The following OOSP1 variants were observed in gnomAD, a reference collection of about 807,000 sequenced individuals.
OOSP1 encodes oocyte secreted protein 1.
Under a neutral mutation model 5.7 loss-of-function variants are expected in OOSP1, and 11 were observed. The observed-to-expected ratio is 1.94, with a 90% CI of 1.22 to 3.20. The LOEUF (loss-of-function observed/expected upper bound fraction) is 3.20, where lower values mean the gene tolerates loss of function less well. OOSP1 is among the 30% of genes most tolerant of loss of function. The pLI is 0.00. For synonymous variants in OOSP1, 44 were observed against 20.0 expected (o/e 2.20, Z -3.20); for missense variants, 83 against 54.1 (o/e 1.53, Z -1.67).
chr11:59,941,374 CA>C (rs1853822633), intron 1 of OOSP1, among the ~76,000 whole-genome samples: 1 of 151,616 alleles, frequency 6.6e-6, no homozygotes, highest in Non-Finnish European at 1.5e-5. Context: ...CTATTGTTAG[CA>C]TTTATGTACT....
chr11:59,942,148 C>A (rs995030158), intron 1 of OOSP1, among the ~76,000 whole-genome samples: 3 of 151,928 alleles, frequency 2.0e-5, no homozygotes, highest in Non-Finnish European at 4.4e-5. Flanking sequence ...GAAGAATAGC[C>A]AAACTTACTC....
At chr11:59,953,026 T>G (rs1853956188) in intron 4 of OOSP1, among the ~76,000 whole-genome samples, 1 of 152,196 alleles carries the variant, frequency 6.6e-6, no homozygotes, top group Non-Finnish European at 1.5e-5. Flanking sequence ...TTAGTATGTA[T>G]GCTGTCTTTT....
At chr11:59,952,406 G>GT in intron 4 of OOSP1, among the ~76,000 whole-genome samples, 1 of 143,122 alleles carries the variant, frequency 7.0e-6, no homozygotes, top group African/African-American at 2.4e-5. Flanking sequence ...CAAATGAGTG[G>GT]TAAAAAAAAA....
intron 4 of OOSP1, among the ~76,000 whole-genome samples, chr11:59,949,568 A>G (rs1489382089): frequency 6.6e-6 from 1 of 152,164 alleles, no homozygotes; most frequent in African/African-American, 2.4e-5. Flanking sequence ...CAAGGCCAGC[A>G]TGATTGGAGA....
At chr11:59,941,390 T>C (rs568549042) in intron 1 of OOSP1, among the ~76,000 whole-genome samples, 1 of 152,244 alleles carries the variant, frequency 6.6e-6, no homozygotes, top group African/African-American at 2.4e-5. Context: ...TGTACTTTTT[T>C]TTTTTTTGAG....
chr11:59,938,478 A>G, exon 1 of OOSP1: 1 of 631,528 alleles, frequency 1.6e-6, no homozygotes. Context: ...TGGGGTTCAA[A>G]GGGCTCTTTT....
At chr11:59,954,270 A>G (rs137908742) in intron 4 of OOSP1, among the ~76,000 whole-genome samples, 2 of 152,192 alleles carry the variant, frequency 1.3e-5, no homozygotes, top group Admixed American at 1.3e-4. Context: ...TAGGCTTTGT[A>G]GATCATAAAG....
exon 4 of OOSP1, chr11:59,947,777 C>T (rs1853900726): frequency 2.5e-6 from 1 of 398,886 alleles, no homozygotes; most frequent in Non-Finnish European, 4.4e-6. Context: ...GATGGGGAAA[C>T]TGACAATGTT....
intron 1 of OOSP1, 127 bp from the exon 2 acceptor site, chr11:59,942,720 C>T: frequency 1.8e-6 from 1 of 567,844 alleles, no homozygotes; most frequent in Non-Finnish European, 3.1e-6. Flanking sequence ...CAAACTTGTT[C>T]ACCTCTTAAG....
chr11:59,943,370 CA>C (rs1232047179), intron 2 of OOSP1, among the ~76,000 whole-genome samples: 3 of 151,546 alleles, frequency 2.0e-5, no homozygotes, highest in Non-Finnish European at 4.4e-5. Context: ...AAAAAACCAA[CA>C]AAAAAACCCA....
chr11:59,946,413 C>T (rs561175897), intron 3 of OOSP1, among the ~76,000 whole-genome samples: 2 of 152,316 alleles, frequency 1.3e-5, no homozygotes, highest in Non-Finnish European at 2.9e-5. Context: ...GACCCCATCA[C>T]CTCCCACCAG....
chr11:59,942,266 A>G (rs1565230968), intron 1 of OOSP1, among the ~76,000 whole-genome samples: 1 of 152,224 alleles, frequency 6.6e-6, no homozygotes. Context: ...TTGTATCAGA[A>G]AATTATTTCC....
intron 4 of OOSP1, among the ~76,000 whole-genome samples, 174 bp from the exon 5 acceptor site, chr11:59,957,021 G>A (rs1184588720): frequency 6.6e-6 from 1 of 152,114 alleles, no homozygotes; most frequent in Non-Finnish European, 1.5e-5. Context: ...ACATGAGTGT[G>A]CAAGTATCTT....
At chr11:59,956,714 T>C (rs1024957476) in intron 4 of OOSP1, among the ~76,000 whole-genome samples, 45 of 152,260 alleles carry the variant, frequency 3.0e-4, no homozygotes, top group African/African-American at 1.1e-3. Flanking sequence ...CCTTTCCCAC[T>C]CTTCCCTGAG....
intron 1 of OOSP1, 92 bp from the exon 2 acceptor site, chr11:59,942,755 T>C (rs1461065801): frequency 4.9e-6 from 3 of 609,368 alleles, no homozygotes; most frequent in Non-Finnish European, 8.8e-6. Flanking sequence ...TAAGGGATGA[T>C]CTCTTCATTT....
intron 4 of OOSP1, among the ~76,000 whole-genome samples, chr11:59,953,470 C>G (rs1471401803): frequency 6.6e-6 from 1 of 152,140 alleles, no homozygotes; most frequent in African/African-American, 2.4e-5. Context: ...ATCTTTCAGA[C>G]TTTGACATAT....
chr11:59,948,254 G>A (rs1001384230), intron 4 of OOSP1, among the ~76,000 whole-genome samples: 2 of 152,272 alleles, frequency 1.3e-5, no homozygotes, highest in African/African-American at 2.4e-5. Flanking sequence ...AGTGAACTCA[G>A]AAGTGTCATA....
At chr11:59,941,394 T>G (rs927134857) in intron 1 of OOSP1, among the ~76,000 whole-genome samples, 3 of 152,132 alleles carry the variant, frequency 2.0e-5, no homozygotes, top group Non-Finnish European at 4.4e-5. Context: ...CTTTTTTTTT[T>G]TTTGAGACAG....
At chr11:59,957,356 G>T in exon 5 of OOSP1, 1 of 395,244 alleles carries the variant, frequency 2.5e-6, no homozygotes, top group South Asian at 1.3e-4. Flanking sequence ...TGTGTTTGGA[G>T]AGAACATTAA....
Sources: gnomAD v4.1 joint callset for allele counts (sites outside exome capture counted in the v4.1 genomes callset) on GRCh38, gnomAD v4.1.1 for gene constraint, MANE v1.5 for transcripts, NCBI Gene and HGNC (gene_info 2026-07-23, HGNC 2026-07-21) for gene names.